Variants in TEX11 observed in about 807,000 individuals in gnomAD.
The protein encoded by TEX11 is testis expressed 11.
In TEX11, 7 loss-of-function variants were observed where a neutral mutation model predicts 84.4. The ratio of observed to expected loss-of-function variants is 0.08; its 90% CI spans 0.05 to 0.16. The LOEUF (loss-of-function observed/expected upper bound fraction) is 0.16. Among genes scored for constraint, TEX11 ranks in the 10% least tolerant of loss-of-function variants. TEX11 has a pLI of 1.00. For missense variants in TEX11, 551 were observed against 660.5 expected, an observed-to-expected ratio of 0.83 and a Z score of 1.82; for synonymous variants, 264 against 222.8, an observed-to-expected ratio of 1.18 and a Z score of -1.64.
At chrX:70,767,477 TGTGGAGAAAAGGG>T (rs778185239) in intron 9 of TEX11, among the ~76,000 whole-genome samples, 16 of 111,040 alleles carry the variant, frequency 1.4e-4, no homozygotes, top group African/African-American at 5.2e-4. Flanking sequence ...CTGGTGAGGG[TGTGGAGAAAAGGG>T]GTGGAGAAAA....
intron 25 of TEX11, among the ~76,000 whole-genome samples, chrX:70,568,034 G>C (rs928153903): frequency 9.0e-6 from 1 of 111,248 alleles, no homozygotes; most frequent in Non-Finnish European, 1.9e-5. Flanking sequence ...TATTGTGTGG[G>C]AGTCTAAGTC....
chrX:70,579,754 A>G (rs1162929264), intron 25 of TEX11, among the ~76,000 whole-genome samples: 7 of 112,271 alleles, frequency 6.2e-5, no homozygotes, highest in Non-Finnish European at 1.1e-4. Flanking sequence ...GTTGCTCCGC[A>G]TCATTGATCA....
At chrX:70,732,594 A>G (rs1420645553) in intron 11 of TEX11, among the ~76,000 whole-genome samples, 6 of 111,589 alleles carry the variant, frequency 5.4e-5, no homozygotes. Flanking sequence ...CAACTTACAA[A>G]AGACATGAAG....
At chrX:70,729,479 T>C (rs770997459) in intron 11 of TEX11, among the ~76,000 whole-genome samples, 265 of 111,858 alleles carry the variant, frequency 2.4e-3, no homozygotes, top group South Asian at 0.019. Flanking sequence ...CTGATGGAGC[T>C]GAAAACCACA....
At chrX:70,527,581 T>G (rs978273667), downstream of TEX11, among the ~76,000 whole-genome samples, 1 of 112,084 alleles carries the variant, frequency 8.9e-6, no homozygotes, top group African/African-American at 3.3e-5. Flanking sequence ...TAAATACAAC[T>G]TATAATCCTG....
chrX:70,643,909 A>G (rs1603185965), intron 17 of TEX11, among the ~76,000 whole-genome samples: 1 of 106,481 alleles, frequency 9.4e-6, no homozygotes, highest in East Asian at 3.0e-4. Flanking sequence ...ACAAAAGACA[A>G]AATTGACAAA....
chrX:70,792,377 T>C (rs1164060591), intron 9 of TEX11, among the ~76,000 whole-genome samples: 1 of 67,944 alleles, frequency 1.5e-5, no homozygotes, highest in Non-Finnish European at 2.6e-5. Flanking sequence ...AATATATATC[T>C]GGGATGCAGC....
At chrX:70,885,331 G>C (rs1429365285) in intron 2 of TEX11, among the ~76,000 whole-genome samples, 2 of 111,723 alleles carry the variant, frequency 1.8e-5, no homozygotes, top group Non-Finnish European at 3.8e-5. Flanking sequence ...AATAAATAGA[G>C]TTATATAATT....
At chrX:70,584,622 T>C (rs756498624) in intron 25 of TEX11, among the ~76,000 whole-genome samples, 2 of 111,602 alleles carry the variant, frequency 1.8e-5, no homozygotes, top group Admixed American at 1.9e-4. Context: ...CCAATATTCT[T>C]TATGGATATC....
At chrX:70,719,513 G>C (rs148472688) in intron 13 of TEX11, among the ~76,000 whole-genome samples, 3,694 of 111,618 alleles carry the variant, frequency 0.033, 58 homozygotes, top group Non-Finnish European at 0.05. Context: ...AGCCAAAATT[G>C]ACAAATGGGA....
chrX:70,873,768 A>G (rs1008364885), intron 3 of TEX11, among the ~76,000 whole-genome samples: 1 of 112,252 alleles, frequency 8.9e-6, no homozygotes, highest in Non-Finnish European at 1.9e-5. Context: ...ATTTATGCAC[A>G]GCAGTGGTAC....
At chrX:70,525,717 C>A (rs1265515533), downstream of TEX11, among the ~76,000 whole-genome samples, 2 of 112,064 alleles carry the variant, frequency 1.8e-5, no homozygotes, top group Non-Finnish European at 3.8e-5. Flanking sequence ...AATTATTCCA[C>A]AAACAAATGT....
At chrX:70,794,929 C>T (rs2091147174) in intron 9 of TEX11, among the ~76,000 whole-genome samples, 1 of 107,009 alleles carries the variant, frequency 9.3e-6, no homozygotes, top group Non-Finnish European at 1.9e-5. Flanking sequence ...GGGAGAGTCT[C>T]CTTCTGCTTG....
chrX:70,710,771 C>G lies in TEX11; in HGVS notation c.1004+11847G>C, dbSNP rs1235874513. ...GCACTAACATAAAGCAACAAGGATT[C>G]ACTGAGAAAGATATAGCAAATTAAT... On this transcript the variant is annotated intron_variant, in intron 13 of 29. Transcript: ENST00000374333. Among the ~76,000 whole-genome samples the G allele has an allele frequency of 2.7e-5, 3 of 110,806 alleles. 1 individual carries two copies. The highest frequency in any genetic ancestry group is 5.7e-5 in the Non-Finnish European group (3 of 52,762).
At chrX:70,679,734 G>C (rs1318528426) in intron 14 of TEX11, among the ~76,000 whole-genome samples, 1 of 108,572 alleles carries the variant, frequency 9.2e-6, no homozygotes, top group Non-Finnish European at 1.9e-5. Flanking sequence ...AGGGAGGTGG[G>C]GGGGTCAGCC....
intron 20 of TEX11, among the ~76,000 whole-genome samples, chrX:70,621,342 G>A (rs369472417): frequency 9.6e-6 from 1 of 103,689 alleles, no homozygotes; most frequent in East Asian, 3.1e-4. Context: ...CCAACATAGT[G>A]AAACCCCGTC....
chrX:70,727,524 C>T (rs1240610982), intron 11 of TEX11, among the ~76,000 whole-genome samples: 2 of 112,028 alleles, frequency 1.8e-5, no homozygotes, highest in African/African-American at 6.5e-5. Context: ...AGGTAAACAC[C>T]ATCCTGAATT....
At chrX:70,826,030 G>A (rs748507606) in intron 8 of TEX11, among the ~76,000 whole-genome samples, 13 of 109,438 alleles carry the variant, frequency 1.2e-4, no homozygotes, top group African/African-American at 4.3e-4. Flanking sequence ...TTGGCCTGGC[G>A]CAGTGGCTCA....
intron 13 of TEX11, among the ~76,000 whole-genome samples, chrX:70,711,622 T>C (rs2090434820): frequency 8.9e-6 from 1 of 112,237 alleles, no homozygotes; most frequent in African/African-American, 3.2e-5. Context: ...CTTTGCCAAC[T>C]TGTTGATGGG....
Sources: allele counts gnomAD v4.1 joint callset (sites outside exome capture counted in the v4.1 genomes callset), GRCh38; gene constraint gnomAD v4.1.1; transcripts MANE v1.5; gene names NCBI Gene and HGNC (gene_info 2026-07-23, HGNC 2026-07-21).